CCDC88C: variants seen among roughly 807,000 people sequenced by gnomAD.
CCDC88C encodes the protein coiled-coil and HOOK domain protein 88C.
CCDC88C carries 131 observed loss-of-function variants against 198.8 expected under a neutral mutation model. The ratio of observed to expected loss-of-function variants is 0.66; its 90% CI spans 0.57 to 0.76. The LOEUF is 0.76. Ranked by LOEUF, CCDC88C falls within the 30% of genes least tolerant of loss-of-function variation. CCDC88C has a pLI of 0.00. For synonymous variants in CCDC88C, 1,166 were observed against 1,114.7 expected (o/e 1.05, Z -0.92); for missense variants, 2,553 against 2,631.6 (o/e 0.97, Z 0.65).
intron 2 of CCDC88C, among the ~76,000 whole-genome samples, chr14:91,414,341 G>A (rs1377243856): frequency 6.6e-6 from 1 of 152,188 alleles, no homozygotes; most frequent in African/African-American, 2.4e-5. Flanking sequence ...CATGCCCAGT[G>A]TCACACTGCT....
chr14:91,272,549 C>A lies in CCDC88C; in HGVS notation c.*76G>T. On this transcript the variant is annotated 3_prime_UTR_variant, in exon 30 of 30. Transcript: ENST00000389857. Reference sequence around the variant, plus strand: ...CCAAACCCTCTCCTGGCACCGCAGGCAAGCAAGAGAAAAGGCCGTGAGAGT... The same window carrying A: ...CCAAACCCTCTCCTGGCACCGCAGGAAAGCAAGAGAAAAGGCCGTGAGAGT... The A allele has an allele frequency of 6.8e-7, 1 of 1,461,070 alleles. No individual in the cohort carries two copies. The highest frequency in any genetic ancestry group is 9.2e-7 in the Non-Finnish European group (1 of 1,081,940). The allele number at this position is 1,461,070 out of a possible 1,614,324, so 90.5% of individuals were successfully genotyped here.
At chr14:91,389,402 CA>C (rs1318399415) in intron 3 of CCDC88C, among the ~76,000 whole-genome samples, 1 of 152,128 alleles carries the variant, frequency 6.6e-6, no homozygotes, top group Non-Finnish European at 1.5e-5. Flanking sequence ...TCACTGACCC[CA>C]AAGGTTTCAA....
intron 3 of CCDC88C, among the ~76,000 whole-genome samples, chr14:91,399,255 C>G (rs1314138591): frequency 6.6e-6 from 1 of 152,190 alleles, no homozygotes; most frequent in Non-Finnish European, 1.5e-5. Context: ...CCAGTGACAC[C>G]AAGCTGGCTT....
chr14:91,331,718 C>A (rs149805258), intron 10 of CCDC88C, among the ~76,000 whole-genome samples: 1 of 152,204 alleles, frequency 6.6e-6, no homozygotes, highest in Non-Finnish European at 1.5e-5. Flanking sequence ...AGGCTCCCCA[C>A]GGACAGGTGC....
chr14:91,298,528 C>CAAAA (rs35141357), intron 21 of CCDC88C, among the ~76,000 whole-genome samples: 3 of 109,864 alleles, frequency 2.7e-5, no homozygotes, highest in Non-Finnish European at 5.9e-5. Context: ...GATCCCATCT[C>CAAAA]AAAAAAAAAA....
At chr14:91,416,876 C>T in intron 1 of CCDC88C, 38 bp from the exon 2 acceptor site, 1 of 1,464,712 alleles carries the variant, frequency 6.8e-7, no homozygotes, top group African/African-American at 1.4e-5. Context: ...GACAGGAAGT[C>T]ACCCCGTGCG....
At chr14:91,318,919 A>C in intron 13 of CCDC88C, among the ~76,000 whole-genome samples, 1 of 119,938 alleles carries the variant, frequency 8.3e-6, no homozygotes, top group South Asian at 2.3e-4. Flanking sequence ...ACTCCGTCCA[A>C]AAAAAAAAAA....
intron 13 of CCDC88C, among the ~76,000 whole-genome samples, chr14:91,319,647 G>A (rs10147648): frequency 2.0e-5 from 3 of 152,164 alleles, no homozygotes; most frequent in Admixed American, 6.5e-5. Context: ...ACAGTGCCCT[G>A]CTCTCTTTTT....
At chr14:91,415,000 G>C (rs1301340492) in intron 2 of CCDC88C, among the ~76,000 whole-genome samples, 2 of 152,182 alleles carry the variant, frequency 1.3e-5, no homozygotes, top group Admixed American at 6.5e-5. Flanking sequence ...GAATTCCAAA[G>C]GTCAGGGAAG....
chr14:91,377,093 A>G (rs1020133527), intron 3 of CCDC88C, among the ~76,000 whole-genome samples: 5 of 151,604 alleles, frequency 3.3e-5, no homozygotes, highest in Non-Finnish European at 4.4e-5. Flanking sequence ...AACAGAAACC[A>G]TGAAAAAGCA....
At chr14:91,379,852 G>T in intron 3 of CCDC88C, 1 of 702,976 alleles carries the variant, frequency 1.4e-6, no homozygotes, top group South Asian at 1.5e-5. Flanking sequence ...GTGTCTGCCC[G>T]CAAGAAGTTT....
At chr14:91,355,514 C>T (rs1487119294) in intron 4 of CCDC88C, among the ~76,000 whole-genome samples, 2 of 152,154 alleles carry the variant, frequency 1.3e-5, no homozygotes, top group Admixed American at 1.3e-4. Flanking sequence ...GTGGGTGCAG[C>T]TGAGAGTGAG....
At chr14:91,341,982 C>T (rs1257638828) in intron 6 of CCDC88C, among the ~76,000 whole-genome samples, 1 of 152,194 alleles carries the variant, frequency 6.6e-6, no homozygotes, top group Non-Finnish European at 1.5e-5. Context: ...AGCAGAGAAT[C>T]TCTCTATTCT....
At chr14:91,373,153 A>C (rs1894902691) in intron 3 of CCDC88C, among the ~76,000 whole-genome samples, 1 of 152,178 alleles carries the variant, frequency 6.6e-6, no homozygotes, top group Non-Finnish European at 1.5e-5. Context: ...CCCTGGGCTC[A>C]GGACCAAGGA....
intron 3 of CCDC88C, among the ~76,000 whole-genome samples, chr14:91,388,828 T>C (rs1885308188): frequency 6.6e-6 from 1 of 152,176 alleles, no homozygotes; most frequent in Non-Finnish European, 1.5e-5. Flanking sequence ...TGGGTATTAA[T>C]AGCCCTCAGC....
chr14:91,280,055 G>C (rs112303739), intron 27 of CCDC88C: 1 of 152,290 alleles, frequency 6.6e-6, no homozygotes, highest in Non-Finnish European at 1.5e-5. Flanking sequence ...TCCCTACAGA[G>C]GGCAGGCCAT....
chr14:91,279,297 G>A lies in CCDC88C; in HGVS notation c.4709C>T (p.Pro1570Leu), dbSNP rs900981500. Residue 1570 changes from proline (P) to leucine (L), a missense_variant, in exon 28 of 30, where the codon CCA becomes CTA. Pro to Leu is a moderately conservative substitution (Grantham distance 98, BLOSUM62 -3). Around this residue, in one of 2 missense-constraint regions of CCDC88C, gnomAD observed 1,293 missense variants for 1,219.6 expected, o/e 1.06. Coordinates refer to ENST00000389857, the MANE Select transcript of CCDC88C (RefSeq NM_001080414.4). ...GTTTCTACTGCTCTCTAAGCTACTT[G>A]GCCGCGACACTGAAAGGAAATGGCA... ...VPNHRQYVSR[P>L]SSLESSRNTS... is the part of the protein sequence containing the mutation. The A allele has an allele frequency of 4.4e-6, 7 of 1,600,546 alleles. No individual in the cohort carries two copies. In the African/African-American group the frequency reaches 8.0e-5, roughly 18 times the overall value.
intron 10 of CCDC88C, among the ~76,000 whole-genome samples, chr14:91,330,110 G>A (rs1892755239): frequency 6.6e-6 from 1 of 152,222 alleles, no homozygotes; most frequent in African/African-American, 2.4e-5. Context: ...GAGGACCAGG[G>A]GTCAGTAAGG....
intron 10 of CCDC88C, among the ~76,000 whole-genome samples, chr14:91,330,894 C>G (rs1444760351): frequency 6.6e-6 from 1 of 151,908 alleles, no homozygotes; most frequent in Non-Finnish European, 1.5e-5. Context: ...GTGAGCCATC[C>G]CTGGAGAAAG....
Sources: gnomAD v4.1 joint callset for allele counts (sites outside exome capture counted in the v4.1 genomes callset) on GRCh38, gnomAD v4.1.1 for gene constraint, gnomAD v4.1.1 regional missense constraint, MANE v1.5 for transcripts, NCBI Gene and HGNC (gene_info 2026-07-23, HGNC 2026-07-21) for gene names.